The following TMEFF2 variants were observed in gnomAD, a reference collection of about 807,000 sequenced individuals.
TMEFF2 encodes transmembrane protein with EGF like and two follistatin like domains 2.
A neutral mutation model predicts 53.8 loss-of-function variants in TMEFF2; 28 were observed. The ratio of observed to expected loss-of-function variants is 0.52; its 90% CI spans 0.39 to 0.71. The LOEUF (loss-of-function observed/expected upper bound fraction) is 0.71, where lower values mean the gene tolerates loss of function less well. Ranked by LOEUF, TMEFF2 falls within the 30% of genes least tolerant of loss-of-function variation. The pLI, the probability that TMEFF2 is intolerant of heterozygous loss-of-function variation, is 0.00. For missense variants in TMEFF2, 353 were observed against 455.2 expected (o/e 0.78, Z 2.04); for synonymous variants, 162 against 166.3 (o/e 0.97, Z 0.20).
At chr2:192,121,629 C>T (rs1217463318) in intron 4 of TMEFF2, among the ~76,000 whole-genome samples, 3 of 152,258 alleles carry the variant, frequency 2.0e-5, no homozygotes, top group Admixed American at 6.5e-5. Flanking sequence ...AAGGAGACTG[C>T]AGGTGATGGT....
At chr2:192,083,547 C>T (rs971458937) in intron 4 of TMEFF2, among the ~76,000 whole-genome samples, 2 of 152,000 alleles carry the variant, frequency 1.3e-5, no homozygotes, top group African/African-American at 4.8e-5. Context: ...CTGAATTGAA[C>T]TTCTCCCTCT....
At chr2:192,007,416 G>T (rs1686524492) in intron 5 of TMEFF2, among the ~76,000 whole-genome samples, 1 of 152,186 alleles carries the variant, frequency 6.6e-6, no homozygotes, top group Non-Finnish European at 1.5e-5. Flanking sequence ...ATGCTCATAA[G>T]ATAGGGAGGA....
At chr2:192,154,705 G>A (rs1463043956) in intron 4 of TMEFF2, among the ~76,000 whole-genome samples, 19 of 151,878 alleles carry the variant, frequency 1.3e-4, no homozygotes, top group Admixed American at 7.9e-4. Context: ...GACTGTTCAG[G>A]TGATCGCCAA....
intron 4 of TMEFF2, among the ~76,000 whole-genome samples, chr2:192,104,784 A>G (rs1689107699): frequency 6.6e-6 from 1 of 151,986 alleles, no homozygotes; most frequent in South Asian, 2.1e-4. Flanking sequence ...TTCATTTCCT[A>G]TCATATTCAA....
intron 4 of TMEFF2, among the ~76,000 whole-genome samples, chr2:192,085,897 A>G (rs1327661094): frequency 1.3e-5 from 2 of 152,150 alleles, no homozygotes; most frequent in Non-Finnish European, 2.9e-5. Flanking sequence ...TTCAAAGGAT[A>G]TATTCATATA....
chr2:192,145,842 C>G (rs1188251313), intron 4 of TMEFF2, among the ~76,000 whole-genome samples: 1 of 151,964 alleles, frequency 6.6e-6, no homozygotes, highest in African/African-American at 2.4e-5. Flanking sequence ...TAGTGAGCAA[C>G]ATCTTGCAAG....
intron 7 of TMEFF2, among the ~76,000 whole-genome samples, chr2:191,959,632 G>T (rs1692213669): frequency 6.6e-6 from 1 of 151,852 alleles, no homozygotes; most frequent in African/African-American, 2.4e-5. Flanking sequence ...ACATGTGTGT[G>T]TATGTGTTTA....
chr2:192,133,937 C>A (rs1302076635), intron 4 of TMEFF2, among the ~76,000 whole-genome samples: 1 of 152,208 alleles, frequency 6.6e-6, no homozygotes, highest in Non-Finnish European at 1.5e-5. Context: ...ACAACAACTC[C>A]TTTCCTTCCT....
chr2:192,049,223 C>G (rs1687702944), intron 5 of TMEFF2, among the ~76,000 whole-genome samples: 1 of 151,114 alleles, frequency 6.6e-6, no homozygotes, highest in East Asian at 1.9e-4. Flanking sequence ...AAGAGAAGAC[C>G]CTGAGTGGTA....
At chr2:191,990,205 C>T (rs544584293) in intron 7 of TMEFF2, among the ~76,000 whole-genome samples, 50 of 152,226 alleles carry the variant, frequency 3.3e-4, no homozygotes, top group Non-Finnish European at 6.3e-4. Flanking sequence ...AAACTACAAC[C>T]ATGAAACAAA....
At chr2:192,182,623 G>C (rs1180218588) in intron 3 of TMEFF2, among the ~76,000 whole-genome samples, 2 of 151,944 alleles carry the variant, frequency 1.3e-5, no homozygotes, top group Admixed American at 6.6e-5. Context: ...GTAAGAAAGA[G>C]AGATTTTGCT....
At chr2:191,996,220 T>A (rs1231313827) in intron 7 of TMEFF2, among the ~76,000 whole-genome samples, 1 of 151,842 alleles carries the variant, frequency 6.6e-6, no homozygotes, top group African/African-American at 2.4e-5. Flanking sequence ...TGGAATAACT[T>A]TATAAATGCA....
At position 192,184,456 on chromosome 2, in the gene TMEFF2, C is replaced by A; in HGVS notation, c.310G>T (p.Gly104Cys). The A allele has an allele frequency of 6.2e-7, 1 of 1,613,246 alleles. No individual in the cohort carries two copies. Among genetic ancestry groups the A allele is most frequent in the Non-Finnish European group, 8.5e-7 (1 of 1,179,448 alleles). Reference protein sequence around the residue: ...KCNNDYVPVCGSNGESYQNEC... With the variant: ...KCNNDYVPVCCSNGESYQNEC... ...TTCTGGTAGCTCTCCCCATTGGAGC[C>A]ACACACAGGCACATAGTCATTGTTG... Residue 104 changes from glycine to cysteine, a missense_variant, in exon 3 of 10, where the codon GGC (glycine) becomes TGC (cysteine). Physicochemically the swap from Gly to Cys is radical, Grantham distance 159. Around this residue, in one of 3 missense-constraint regions of TMEFF2, gnomAD observed 294 missense variants for 397.3 expected, o/e 0.74. Coordinates refer to ENST00000272771, the MANE Select transcript of TMEFF2 (RefSeq NM_016192.4).
At chr2:192,106,059 C>G (rs945232062) in intron 4 of TMEFF2, among the ~76,000 whole-genome samples, 3 of 151,468 alleles carry the variant, frequency 2.0e-5, no homozygotes, top group African/African-American at 7.3e-5. Flanking sequence ...GAAAATAGTC[C>G]AAGATGAGCT....
Position 192,193,798 on chromosome 2 carries a change from A to AGG in TMEFF2, c.172+554_172+555insCC, listed in dbSNP as rs1237555343. ...GAGAGAGAGAGAGAGAGAGAGAGAG[A>AGG]GAGAGAGAGAAATTCTATTGAAACC... On this transcript the variant is annotated intron_variant, in intron 1 of 9. Coordinates refer to ENST00000272771, the MANE Select transcript of TMEFF2 (RefSeq NM_016192.4). Among the ~76,000 whole-genome samples, 437 of 139,912 alleles carry AGG rather than the reference A, an allele frequency of 3.1e-3. 4 individuals carry two copies. Among genetic ancestry groups the AGG allele is most frequent in the African/African-American group, 0.011 (409 of 35,752 alleles). The allele number at this position is 139,912 out of a possible 152,430, so 91.8% of individuals were successfully genotyped here. A position where few individuals can be genotyped will look rare whatever the true frequency, so the allele number is the denominator to read the frequency against.
chr2:192,116,750 T>C (rs559246140), intron 4 of TMEFF2, among the ~76,000 whole-genome samples: 4 of 152,198 alleles, frequency 2.6e-5, no homozygotes, highest in Admixed American at 2.6e-4. Context: ...GAGACCTATG[T>C]ATTAGAAATC....
Position 192,194,646 on chromosome 2 carries a change from T to C in TMEFF2, c.-122A>G. 8.9e-7 allele frequency: 1 copy of C among 1,121,970 alleles called. No individual in the cohort carries two copies. Among genetic ancestry groups the C allele is most frequent in the Non-Finnish European group, 1.3e-6 (1 of 782,730 alleles). 69.5% of individuals were successfully genotyped at this position (1,121,970 alleles called of 1,614,324 possible). A position where few individuals can be genotyped will look rare whatever the true frequency, so the allele number is the denominator to read the frequency against. On this transcript the variant is annotated 5_prime_UTR_variant, in exon 1 of 10. Coordinates refer to ENST00000272771, the MANE Select transcript of TMEFF2 (RefSeq NM_016192.4). This position sits in a 1 kb window ranked among gnomAD's most constrained non-coding sequence, Gnocchi z 4.2. The stretch of plus-strand genomic sequence containing the variant: ...GCAGCAGAGGCGGCGGCGGTGGCAG[T>C]GGCACCCGGCGGGGAAGCAGCAGCC...
At chr2:192,052,685 C>T (rs12475551) in intron 5 of TMEFF2, among the ~76,000 whole-genome samples, 141,665 of 152,220 alleles carry the variant, frequency 0.93, 66,769 homozygotes, top group South Asian at 1. Context: ...TTTGAGAATC[C>T]CTTTTATGTA....
intron 4 of TMEFF2, among the ~76,000 whole-genome samples, chr2:192,091,017 T>A (rs563696947): frequency 2.6e-5 from 4 of 152,248 alleles, no homozygotes; most frequent in Non-Finnish European, 4.4e-5. Flanking sequence ...ACGTGGGAGA[T>A]GGTGAAAGCA....
Sources: allele counts gnomAD v4.1 joint callset (sites outside exome capture counted in the v4.1 genomes callset), GRCh38; gene constraint gnomAD v4.1.1; regional missense constraint gnomAD v4.1.1; non-coding constraint Gnocchi (gnomAD v3.1); transcripts MANE v1.5; gene names NCBI Gene and HGNC (gene_info 2026-07-23, HGNC 2026-07-21).